LIPG: variants seen among roughly 807,000 people sequenced by gnomAD.
LIPG encodes endothelial lipase.
LIPG carries 34 observed loss-of-function variants against 51.8 expected under a neutral mutation model. The observed-to-expected ratio is 0.66, with a 90% CI of 0.50 to 0.87. LIPG has a LOEUF of 0.87. LIPG is among the 40% of genes least tolerant of loss of function. LIPG has a pLI of 0.00. For missense variants in LIPG, 580 were observed against 652.7 expected, an observed-to-expected ratio of 0.89 and a Z score of 1.21; for synonymous variants, 246 against 246.1, an observed-to-expected ratio of 1.00 and a Z score of 0.00.
Position 49,582,584 on chromosome 18 carries a change from A to G in LIPG, c.1157+102A>G, listed in dbSNP as rs113140331. ...TGTGAACGAGTACAGCACGCAGGAG[A>G]GTGCAGTCCGACTGCTCAGGGAGGA... On this transcript the variant is annotated intron_variant, in intron 7 of 9. Coordinates refer to ENST00000261292, the MANE Select transcript of LIPG (RefSeq NM_006033.4). 2,240 of 1,480,206 alleles carry G rather than the reference A, an allele frequency of 1.5e-3. 26 individuals are homozygous for G. The African/African-American group carries it at 0.026, about 17-fold the overall frequency. The allele number at this position is 1,480,206 out of a possible 1,614,324, so 91.7% of individuals were successfully genotyped here.
At chr18:49,581,980 A>G (rs1357058257) in intron 6 of LIPG, 2 of 583,740 alleles carry the variant, frequency 3.4e-6, no homozygotes, top group Non-Finnish European at 6.1e-6. Context: ...GCAGATGAAC[A>G]GGGGACCAAA....
chr18:49,564,774 A>G (rs923227147), intron 1 of LIPG, among the ~76,000 whole-genome samples: 3 of 152,256 alleles, frequency 2.0e-5, no homozygotes, highest in Admixed American at 6.5e-5. Context: ...GGCCTGAGAT[A>G]ACAGGAGGCT....
intron 4 of LIPG, among the ~76,000 whole-genome samples, chr18:49,573,119 C>T (rs1368996814): frequency 6.6e-6 from 1 of 152,232 alleles, no homozygotes; most frequent in African/African-American, 2.4e-5. Flanking sequence ...TCCTCCAGCA[C>T]AGCCTGGTTT....
intron 9 of LIPG, chr18:49,590,102 T>C (rs1440967339): frequency 5.9e-6 from 2 of 339,754 alleles, no homozygotes; most frequent in African/African-American, 4.2e-5. Flanking sequence ...CAATACAGTG[T>C]CTCTCTTGTA....
At chr18:49,578,008 G>T (rs1378564889) in intron 5 of LIPG, among the ~76,000 whole-genome samples, 68 of 139,424 alleles carry the variant, frequency 4.9e-4, no homozygotes, top group African/African-American at 1.7e-3. Flanking sequence ...GGCACGGCTG[G>T]CCAGGCGGGG....
At chr18:49,582,908 G>A (rs561662041) in intron 7 of LIPG, among the ~76,000 whole-genome samples, 5 of 152,346 alleles carry the variant, frequency 3.3e-5, no homozygotes, top group Admixed American at 2.0e-4. Context: ...CAGGGACAAA[G>A]CATCATGCCA....
intron 9 of LIPG, chr18:49,590,219 T>A: frequency 1.9e-6 from 1 of 518,162 alleles, no homozygotes; most frequent in Non-Finnish European, 3.6e-6. Context: ...ATGTTGTGGG[T>A]GGATAATATG....
intron 4 of LIPG, among the ~76,000 whole-genome samples, chr18:49,575,116 C>T (rs550753759): frequency 1.3e-5 from 2 of 152,114 alleles, no homozygotes; most frequent in East Asian, 1.9e-4. Flanking sequence ...GCTGAGGTGA[C>T]GGGATACATG....
At chr18:49,588,376 G>A (rs999759069) in intron 9 of LIPG, among the ~76,000 whole-genome samples, 22 of 150,524 alleles carry the variant, frequency 1.5e-4, no homozygotes, top group Non-Finnish European at 1.8e-4. Flanking sequence ...TCCGCCTCCC[G>A]GGTCCAAGTG....
intron 1 of LIPG, among the ~76,000 whole-genome samples, chr18:49,563,384 G>A (rs1284095692): frequency 6.6e-6 from 1 of 152,080 alleles, no homozygotes; most frequent in Non-Finnish European, 1.5e-5. Context: ...TCTAACTTCT[G>A]TGTTCTGGGC....
intron 1 of LIPG, among the ~76,000 whole-genome samples, chr18:49,563,560 C>A (rs923148095): frequency 1.3e-5 from 2 of 151,742 alleles, no homozygotes; most frequent in Non-Finnish European, 2.9e-5. Flanking sequence ...ACAGACAGTG[C>A]ACTGATTAAA....
In LIPG at chr18:49,580,185, A is replaced by G. The variant is rs190829245; in HGVS notation, c.794-1230A>G. Among the ~76,000 whole-genome samples the G allele has an allele frequency of 1.1e-4, 17 of 152,286 alleles. No homozygotes were observed. In the East Asian group the frequency reaches 2.9e-3, roughly 26 times the overall value. ...GGTTGGTTATGCCAAATTTTTTGTA[A>G]GATCCCAGAAATTATTTGGGCCAGA... On this transcript the variant is annotated intron_variant, in intron 5 of 9. Coordinates refer to ENST00000261292, the MANE Select transcript of LIPG (RefSeq NM_006033.4).
chr18:49,564,152 C>T (rs2084578984), intron 1 of LIPG, among the ~76,000 whole-genome samples: 1 of 152,198 alleles, frequency 6.6e-6, no homozygotes, highest in Non-Finnish European at 1.5e-5. Context: ...CCTCCGCCCT[C>T]TCCACCACTA....
intron 5 of LIPG, among the ~76,000 whole-genome samples, chr18:49,578,860 AAACCAG>A (rs1452325215): frequency 5.3e-5 from 8 of 150,058 alleles, no homozygotes; most frequent in Admixed American, 5.3e-4. Flanking sequence ...GTCTCCACCA[AAACCAG>A]TCAGGCGTGG....
chr18:49,566,595 T>A (rs972424900), intron 2 of LIPG, among the ~76,000 whole-genome samples: 2 of 152,170 alleles, frequency 1.3e-5, no homozygotes, highest in African/African-American at 2.4e-5. Flanking sequence ...TGTGGAAAAA[T>A]ACATTCTGAG....
intron 4 of LIPG, among the ~76,000 whole-genome samples, chr18:49,575,143 G>A (rs2084702491): frequency 6.6e-6 from 1 of 152,184 alleles, no homozygotes. Flanking sequence ...TCAGAAGAAA[G>A]TATAAATTCC....
intron 5 of LIPG, among the ~76,000 whole-genome samples, chr18:49,578,887 C>T (rs868292706): frequency 2.6e-5 from 2 of 76,578 alleles, no homozygotes; most frequent in Admixed American, 2.1e-4. Context: ...TGGCGCGTGC[C>T]TGCAATCGCA....
chr18:49,579,795 TTTC>T (rs745418842), intron 5 of LIPG, among the ~76,000 whole-genome samples: 8 of 146,086 alleles, frequency 5.5e-5, no homozygotes, highest in Non-Finnish European at 1.2e-4. Context: ...TTTCTTTTCT[TTTC>T]TTTTCTTTTC....
Position 49,581,479 on chromosome 18 carries a change from G to T in LIPG, c.858G>T (p.Val286=). 1 of 1,614,176 alleles carries T rather than the reference G, an allele frequency of 6.2e-7. No homozygotes were observed. ...RAVHLFVDSL[V]NQDKPSFAFQ... ...TCCACCTCTTTGTTGACTCTCTGGT[G>T]AATCAGGACAAGCCGAGTTTTGCCT... The change falls in exon 6 of 10, where the codon GTG becomes GTT. Residue 286 remains valine (V), a synonymous_variant. Coordinates refer to ENST00000261292, the MANE Select transcript of LIPG (RefSeq NM_006033.4).
Sources: gnomAD v4.1 joint callset for allele counts (sites outside exome capture counted in the v4.1 genomes callset) on GRCh38, gnomAD v4.1.1 for gene constraint, MANE v1.5 for transcripts, NCBI Gene and HGNC (gene_info 2026-07-23, HGNC 2026-07-21) for gene names.